Variants in PRORP observed in about 807,000 individuals in gnomAD.
PRORP encodes the protein mitochondrial ribonuclease P catalytic subunit.
PRORP carries 51 observed loss-of-function variants against 59.4 expected under a neutral mutation model. The observed-to-expected ratio is 0.86, with a 90% CI of 0.69 to 1.08. The LOEUF (loss-of-function observed/expected upper bound fraction) is 1.08. PRORP is among the 50% of genes least tolerant of loss of function. PRORP has a pLI of 0.00. For synonymous variants in PRORP, 231 were observed against 245.6 expected (o/e 0.94, Z 0.55); for missense variants, 646 against 690.3 (o/e 0.94, Z 0.72).
intron 5 of PRORP, among the ~76,000 whole-genome samples, chr14:35,217,500 C>CAA (rs1226022740): frequency 0.05 from 3,686 of 73,678 alleles, 170 homozygotes; most frequent in African/African-American, 0.15. Context: ...GACTCTGTCT[C>CAA]AAAAAAAAAA....
intron 5 of PRORP, among the ~76,000 whole-genome samples, chr14:35,211,846 A>C (rs1005209792): frequency 2.0e-5 from 3 of 152,074 alleles, no homozygotes; most frequent in Admixed American, 1.3e-4. Context: ...TGCTGCATTG[A>C]TTGACTCTTC....
At chr14:35,223,058 A>T (rs1015702421) in intron 5 of PRORP, among the ~76,000 whole-genome samples, 1 of 152,148 alleles carries the variant, frequency 6.6e-6, no homozygotes, top group East Asian at 1.9e-4. Context: ...CTATTACAAC[A>T]CCGAAGCTAA....
intron 4 of PRORP, among the ~76,000 whole-genome samples, chr14:35,176,393 T>C (rs568366141): frequency 6.6e-6 from 1 of 152,334 alleles, no homozygotes; most frequent in East Asian, 1.9e-4. Context: ...TTCTTCCATT[T>C]GTTTGTGTCC....
intron 4 of PRORP, among the ~76,000 whole-genome samples, chr14:35,169,331 T>C (rs2048259475): frequency 6.6e-6 from 1 of 152,154 alleles, no homozygotes; most frequent in East Asian, 1.9e-4. Flanking sequence ...TATATGTGTG[T>C]GTATGTGTGT....
chr14:35,136,248 T>C (rs1323531140), intron 4 of PRORP, among the ~76,000 whole-genome samples: 2 of 152,198 alleles, frequency 1.3e-5, no homozygotes, highest in African/African-American at 4.8e-5. Flanking sequence ...GTTTTCGGCT[T>C]GGGTGATGGG....
intron 5 of PRORP, among the ~76,000 whole-genome samples, chr14:35,256,005 G>T (rs1262422571): frequency 1.3e-5 from 2 of 151,878 alleles, no homozygotes; most frequent in African/African-American, 4.8e-5. Flanking sequence ...ATTTTATCAG[G>T]CTGGGCGCAG....
In PRORP at chr14:35,123,340, T is replaced by C; in HGVS notation, c.95T>C (p.Phe32Ser). The change falls in exon 2 of 8, where the codon TTT becomes TCT. Residue 32 changes from phenylalanine to serine, a missense_variant. By Grantham distance (155) the Phe-to-Ser change is radical (BLOSUM62 -2). Coordinates refer to ENST00000534898, the MANE Select transcript of PRORP (RefSeq NM_014672.4). ...LGPGHSYVSLFLADRCGIRNQ... is the reference protein window; with the variant it reads ...LGPGHSYVSLSLADRCGIRNQ... ...CCAGGGCACTCTTATGTCTCGCTGT[T>C]TCTGGCAGACCGCTGTGGCATCAGG... 1 of 1,614,090 alleles carries C rather than the reference T, an allele frequency of 6.2e-7. No homozygotes were observed. Among genetic ancestry groups the C allele is most frequent in the Non-Finnish European group, 8.5e-7 (1 of 1,180,044 alleles).
At chr14:35,146,201 A>G (rs1366594074) in intron 4 of PRORP, among the ~76,000 whole-genome samples, 1 of 152,178 alleles carries the variant, frequency 6.6e-6, no homozygotes, top group Non-Finnish European at 1.5e-5. Context: ...AGAAGTTTTT[A>G]AATAAAGCTT....
rs111907419 is a variant in PRORP, at chr14:35,263,005, A to G, written c.1276-3722A>G. ...TTTTTGGATGGTATCTATGTCTCTG[A>G]AAAAGGAACTGTTCAGCCGGCTGAT... On this transcript the variant is annotated intron_variant, in intron 5 of 7. Coordinates refer to ENST00000534898, the MANE Select transcript of PRORP (RefSeq NM_014672.4). The G allele has an allele frequency of 4.4e-6, 7 of 1,596,158 alleles. No homozygotes were observed. In the African/African-American group the frequency reaches 9.3e-5, roughly 21 times the overall value.
chr14:35,180,274 G>T (rs1045693212), intron 4 of PRORP, among the ~76,000 whole-genome samples: 9 of 152,136 alleles, frequency 5.9e-5, no homozygotes, highest in Non-Finnish European at 1.0e-4. Context: ...CCCATCTTCC[G>T]CATCGCTCAC....
At chr14:35,121,912 G>T, upstream of PRORP, 1 of 1,614,180 alleles carries the variant, frequency 6.2e-7, no homozygotes, top group Non-Finnish European at 8.5e-7. Flanking sequence ...TGTTTGGACA[G>T]GTGTTGGGCG....
intron 5 of PRORP, among the ~76,000 whole-genome samples, chr14:35,226,501 G>A (rs1226331430): frequency 2.0e-5 from 3 of 152,150 alleles, no homozygotes; most frequent in African/African-American, 7.2e-5. Context: ...TTTGGAGAGT[G>A]GAAAAGGGGC....
At chr14:35,229,268 CT>C (rs1193053721) in intron 5 of PRORP, among the ~76,000 whole-genome samples, 15 of 152,018 alleles carry the variant, frequency 9.9e-5, no homozygotes. Context: ...TTAATAGTTT[CT>C]TTTGTTGTGC....
At chr14:35,164,338 A>G (rs930797984) in intron 4 of PRORP, among the ~76,000 whole-genome samples, 2 of 152,204 alleles carry the variant, frequency 1.3e-5, no homozygotes, top group Non-Finnish European at 2.9e-5. Context: ...ACATCCACTC[A>G]TATGTGCATT....
intron 5 of PRORP, among the ~76,000 whole-genome samples, chr14:35,256,895 C>A (rs2050775466): frequency 6.7e-6 from 1 of 148,718 alleles, no homozygotes; most frequent in South Asian, 2.1e-4. Context: ...TTTTTTGAGA[C>A]CGAGTCTCGC....
intron 4 of PRORP, among the ~76,000 whole-genome samples, chr14:35,171,407 A>T (rs1038542957): frequency 3.9e-5 from 6 of 152,094 alleles, no homozygotes; most frequent in African/African-American, 1.2e-4. Context: ...CTAGATATAG[A>T]ATTGTGGATT....
At chr14:35,135,872 C>T (rs751372819) in intron 4 of PRORP, among the ~76,000 whole-genome samples, 24 of 151,110 alleles carry the variant, frequency 1.6e-4, no homozygotes, top group African/African-American at 5.1e-4. Flanking sequence ...GCAGAAGAAT[C>T]GCTGGAACCT....
chr14:35,235,262 C>T, intron 5 of PRORP: 1 of 702,476 alleles, frequency 1.4e-6, no homozygotes, highest in South Asian at 1.4e-5. Context: ...GACATTGCCT[C>T]CCTAGTGATG....
intron 4 of PRORP, among the ~76,000 whole-genome samples, chr14:35,132,253 T>G (rs928190781): frequency 1.1e-4 from 16 of 139,666 alleles, no homozygotes; most frequent in Non-Finnish European, 9.2e-5. Context: ...GGGTCAGGAG[T>G]TCGAGACCAG....
Sources: allele counts gnomAD v4.1 joint callset (sites outside exome capture counted in the v4.1 genomes callset), GRCh38; gene constraint gnomAD v4.1.1; transcripts MANE v1.5; gene names NCBI Gene and HGNC (gene_info 2026-07-23, HGNC 2026-07-21).